The following EIF2AK4 variants were observed in gnomAD, a reference collection of about 807,000 sequenced individuals.
EIF2AK4 encodes eIF-2-alpha kinase GCN2.
A neutral mutation model predicts 211.1 loss-of-function variants in EIF2AK4; 139 were observed. That is an observed-to-expected ratio of 0.66 (90% CI 0.57 to 0.76). EIF2AK4 has a LOEUF of 0.76. Among genes scored for constraint, EIF2AK4 ranks in the 30% least tolerant of loss-of-function variants. The pLI, the probability that EIF2AK4 is intolerant of heterozygous loss-of-function variation, is 0.00. For synonymous variants in EIF2AK4, 710 were observed against 751.3 expected (o/e 0.94, Z 0.90); for missense variants, 1,664 against 2,043.8 (o/e 0.81, Z 3.58).
At chr15:39,965,270 C>T (rs1344275795) in intron 7 of EIF2AK4, among the ~76,000 whole-genome samples, 1 of 152,186 alleles carries the variant, frequency 6.6e-6, no homozygotes, top group Non-Finnish European at 1.5e-5. Flanking sequence ...TCCAAGTGCC[C>T]GCCACCAAAC....
At chr15:39,989,063 A>G (rs2034907033) in intron 15 of EIF2AK4, among the ~76,000 whole-genome samples, 1 of 152,188 alleles carries the variant, frequency 6.6e-6, no homozygotes, top group Non-Finnish European at 1.5e-5. Flanking sequence ...ACTTGATTCT[A>G]ACTGAATTAG....
rs376651019 is a variant in EIF2AK4 at position 39,939,588 on chromosome 15, G to A, written c.228G>A (p.Arg76=). The change falls in exon 2 of 39, where the codon AGG becomes AGA. Residue 76 remains arginine (R), a synonymous_variant. Coordinates refer to ENST00000263791, the MANE Select transcript of EIF2AK4 (RefSeq NM_001013703.4). ...AAGTATATGTAAAAGTGGATTTGAG[G>A]GTTAAATGCCCACCTACCTATCCAG... ...GEEVYVKVDL[R]VKCPPTYPDV... is the part of the protein sequence containing the mutation. The A allele has an allele frequency of 1.2e-5, 19 of 1,612,270 alleles. No homozygotes were observed. The highest frequency in any genetic ancestry group is 5.0e-5 in the Admixed American group (3 of 59,980).
chr15:40,017,551 A>ATATATATATATATATGTATG (rs71132134), intron 29 of EIF2AK4, among the ~76,000 whole-genome samples: 2 of 87,086 alleles, frequency 2.3e-5, no homozygotes, highest in African/African-American at 4.5e-5. Context: ...ATATATATAT[A>ATATATATATATATATGTATG]TATGTATTTT....
rs367610920 is a variant in EIF2AK4 at position 40,003,244 on chromosome 15, A to G, written c.3287A>G (p.Tyr1096Cys). The change falls in exon 23 of 39, where the codon TAT (tyrosine) becomes TGT (cysteine). Residue 1096 changes from tyrosine to cysteine, a missense_variant. Physicochemically the swap from Tyr to Cys is radical, Grantham distance 194 (BLOSUM62 -2). Around this residue, in one of 7 missense-constraint regions of EIF2AK4, gnomAD observed 622 missense variants for 796.8 expected, o/e 0.78. Transcript: ENST00000263791. ...CTGCTTCCCCGAAACAGACAAATAT[A>G]TGAGCACAACGAAGCTGCCCTATTC... ...PLLLPRNRQIYEHNEAALFMD... is the reference protein window; with the variant it reads ...PLLLPRNRQICEHNEAALFMD... The G allele has an allele frequency of 1.0e-4, 167 of 1,614,098 alleles. No homozygotes were observed. Among genetic ancestry groups the G allele is most frequent in the Middle Eastern group, 6.6e-4 (4 of 6,082 alleles).
intron 27 of EIF2AK4, among the ~76,000 whole-genome samples, chr15:40,012,111 T>G (rs1312210842): frequency 6.6e-6 from 1 of 152,182 alleles, no homozygotes. Context: ...TGGGATAGAT[T>G]AAAATATGAT....
chr15:40,001,580 G>A (rs2035092240), intron 21 of EIF2AK4, among the ~76,000 whole-genome samples: 1 of 143,862 alleles, frequency 7.0e-6, no homozygotes, highest in Non-Finnish European at 1.5e-5. Flanking sequence ...GTTGCAGAGA[G>A]CCGAGATCGT....
intron 13 of EIF2AK4, among the ~76,000 whole-genome samples, chr15:39,983,764 T>C (rs1460068019): frequency 1.3e-5 from 2 of 152,238 alleles, no homozygotes; most frequent in Non-Finnish European, 2.9e-5. Flanking sequence ...CTTTGTCAGA[T>C]GGACAGATTG....
At chr15:39,969,208 A>G (rs1023532055) in intron 9 of EIF2AK4, among the ~76,000 whole-genome samples, 3 of 152,130 alleles carry the variant, frequency 2.0e-5, no homozygotes, top group African/African-American at 7.2e-5. Context: ...TGTTAAAAAC[A>G]GTACTGGGAG....
At chr15:39,972,815 C>A in intron 9 of EIF2AK4, 93 bp from the exon 10 acceptor site, 1 of 939,982 alleles carries the variant, frequency 1.1e-6, no homozygotes, top group Non-Finnish European at 1.7e-6. Flanking sequence ...TAATGTGTAT[C>A]TTTAAAAAAT....
In EIF2AK4 at chr15:39,976,803, C is replaced by CGACGAG. The variant is rs1269038776; in HGVS notation, c.2215_2220dup (p.Asp739_Glu740dup). On this transcript the variant is annotated inframe_insertion, in exon 12 of 39. Coordinates refer to ENST00000263791, the MANE Select transcript of EIF2AK4 (RefSeq NM_001013703.4). ...CGGGCTCCAGCGATGACGAGGACGA[C>CGACGAG]GACGAGGACGAGCACGGTGGCGTCT... is the stretch of plus-strand genomic sequence containing the variant. 35 of 1,572,414 alleles carry CGACGAG rather than the reference C, an allele frequency of 2.2e-5. No homozygotes were observed. The highest frequency in any genetic ancestry group is 2.8e-5 in the Non-Finnish European group (33 of 1,161,718).
chr15:40,031,728 CTTCT>C (rs2035546042), intron 35 of EIF2AK4, among the ~76,000 whole-genome samples: 1 of 146,152 alleles, frequency 6.8e-6, no homozygotes, highest in South Asian at 2.2e-4. Context: ...AAGAGCAAAT[CTTCT>C]TTTTTTTTTT....
Position 39,934,346 on chromosome 15 carries a change from A to G in EIF2AK4, c.144+7A>G. 6.2e-7 allele frequency: 1 copy of G among 1,602,390 alleles called. No individual in the cohort carries two copies. Among genetic ancestry groups the G allele is most frequent in the Non-Finnish European group, 8.5e-7 (1 of 1,175,010 alleles). ...GCCGGACGCTTGCGGACCGGTAGGAACGTGGCTTGTCAGGCCCGGGCTGGC... is the reference window on the plus strand; with the variant it reads ...GCCGGACGCTTGCGGACCGGTAGGAGCGTGGCTTGTCAGGCCCGGGCTGGC... On this transcript the variant is annotated splice_region_variant and intron_variant, in intron 1 of 38. Coordinates refer to ENST00000263791, the MANE Select transcript of EIF2AK4 (RefSeq NM_001013703.4).
Position 39,980,515 on chromosome 15 carries a change from A to G in EIF2AK4, c.2319+2368A>G, listed in dbSNP as rs145640459. 6.7e-3 allele frequency among the ~76,000 whole-genome samples: 1,015 copies of G among 152,350 alleles called. 16 individuals carry two copies. Among genetic ancestry groups the G allele is most frequent in the African/African-American group, 0.023 (974 of 41,578 alleles). ...TATTAAAGGCAGTAATTTTTGAAAT[A>G]GTTAATGCAACTGTTGCTAACACAA... On this transcript the variant is annotated intron_variant, in intron 13 of 38. Coordinates refer to ENST00000263791, the MANE Select transcript of EIF2AK4 (RefSeq NM_001013703.4).
rs758453165 is a variant in EIF2AK4, at chr15:39,997,113, T to C, written c.2868+48T>C. ...CCTACATTTTCAGTAACCGGAATCTTAGCACAGAGATCAGAATTCAAAGCA... is the reference window on the plus strand; with the variant it reads ...CCTACATTTTCAGTAACCGGAATCTCAGCACAGAGATCAGAATTCAAAGCA... On this transcript the variant is annotated intron_variant, in intron 19 of 38. Coordinates refer to ENST00000263791, the MANE Select transcript of EIF2AK4 (RefSeq NM_001013703.4). 3 of 1,291,392 alleles carry C rather than the reference T, an allele frequency of 2.3e-6. No individual in the cohort carries two copies. The African/African-American group carries it at 4.4e-5, about 19-fold the overall frequency. 80.0% of individuals were successfully genotyped at this position (1,291,392 alleles called of 1,614,324 possible).
intron 10 of EIF2AK4, 24 bp downstream of exon 10, chr15:39,973,038 T>G (rs779587178): frequency 5.1e-6 from 8 of 1,578,500 alleles, no homozygotes; most frequent in Non-Finnish European, 6.1e-6. Flanking sequence ...CTTTCTTTAT[T>G]TGGTAACCTG....
At chr15:40,017,858 C>A (rs938059539) in intron 29 of EIF2AK4, among the ~76,000 whole-genome samples, 1 of 151,842 alleles carries the variant, frequency 6.6e-6, no homozygotes, top group African/African-American at 2.4e-5. Flanking sequence ...TGCATAAGTA[C>A]AGTAAAATAT....
At position 40,017,097 on chromosome 15, in the gene EIF2AK4, T is replaced by C; in HGVS notation, c.3931-11T>C. 1 of 1,601,892 alleles carries C rather than the reference T, an allele frequency of 6.2e-7. No homozygotes were observed. Among genetic ancestry groups the C allele is most frequent in the Non-Finnish European group, 8.5e-7 (1 of 1,169,878 alleles). On this transcript the variant is annotated splice_polypyrimidine_tract_variant and intron_variant, in intron 28 of 38. Coordinates refer to ENST00000263791, the MANE Select transcript of EIF2AK4 (RefSeq NM_001013703.4). ...ACCCTTGACACATTTGTGTGGCATC[T>C]CTCTTTATAGGTCTTGATCAATTTG...
intron 19 of EIF2AK4, among the ~76,000 whole-genome samples, chr15:39,997,890 A>C (rs1300151167): frequency 6.6e-6 from 1 of 152,182 alleles, no homozygotes; most frequent in Non-Finnish European, 1.5e-5. Context: ...AGACATCTGG[A>C]GAGCCACCTT....
chr15:39,961,741 G>GA, intron 6 of EIF2AK4, 43 bp from the exon 7 acceptor site: 1 of 1,485,318 alleles, frequency 6.7e-7, no homozygotes, highest in Non-Finnish European at 9.3e-7. Context: ...AGAAAAAAAT[G>GA]AAAAATGATT....
Sources: gnomAD v4.1 joint callset for allele counts (sites outside exome capture counted in the v4.1 genomes callset) on GRCh38, gnomAD v4.1.1 for gene constraint, gnomAD v4.1.1 regional missense constraint, MANE v1.5 for transcripts, NCBI Gene and HGNC (gene_info 2026-07-23, HGNC 2026-07-21) for gene names.